ATF7: variants seen among roughly 807,000 people sequenced by gnomAD.
ATF7 encodes cyclic AMP-dependent transcription factor ATF-7.
A neutral mutation model predicts 50.4 loss-of-function variants in ATF7; 10 were observed. The ratio of observed to expected loss-of-function variants is 0.20; its 90% CI spans 0.12 to 0.34. The LOEUF is 0.34. Ranked by LOEUF, ATF7 falls within the 10% of genes least tolerant of loss-of-function variation. The pLI is 1.00. For missense variants in ATF7, 465 were observed against 613.9 expected, an observed-to-expected ratio of 0.76 and a Z score of 2.56; for synonymous variants, 201 against 226.4, an observed-to-expected ratio of 0.89 and a Z score of 1.01.
At chr12:53,596,793 T>C (rs1290120103) in intron 2 of ATF7, among the ~76,000 whole-genome samples, 1 of 152,226 alleles carries the variant, frequency 6.6e-6, no homozygotes. Context: ...TTCCTATTAA[T>C]AGATTCAGTA....
intron 2 of ATF7, among the ~76,000 whole-genome samples, chr12:53,563,394 T>C (rs958549897): frequency 2.0e-5 from 3 of 151,976 alleles, no homozygotes; most frequent in African/African-American, 4.8e-5. Flanking sequence ...GGCGGGAGAA[T>C]TGCTTGACCC....
At chr12:53,583,734 A>G (rs1240703805) in intron 2 of ATF7, among the ~76,000 whole-genome samples, 1 of 152,198 alleles carries the variant, frequency 6.6e-6, no homozygotes, top group Non-Finnish European at 1.5e-5. Flanking sequence ...CTGCTCTGTG[A>G]AAGACAATGT....
At chr12:53,565,983 G>C (rs2137591449) in intron 2 of ATF7, among the ~76,000 whole-genome samples, 1 of 152,292 alleles carries the variant, frequency 6.6e-6, no homozygotes, top group East Asian at 1.9e-4. Context: ...GAGAAGCAGA[G>C]TCACATCTTA....
chr12:53,618,015 G>A (rs1010572893), intron 1 of ATF7, among the ~76,000 whole-genome samples: 3 of 152,094 alleles, frequency 2.0e-5, no homozygotes, highest in Non-Finnish European at 2.9e-5. Flanking sequence ...GGGAAATGTC[G>A]AAGAGAAAAT....
At chr12:53,574,084 T>A (rs1941922854) in intron 2 of ATF7, among the ~76,000 whole-genome samples, 1 of 152,018 alleles carries the variant, frequency 6.6e-6, no homozygotes, top group South Asian at 2.1e-4. Context: ...AAGGCAAAAA[T>A]ACACTCTGAA....
intron 3 of ATF7, among the ~76,000 whole-genome samples, chr12:53,550,863 T>G (rs1303293479): frequency 2.6e-5 from 4 of 152,198 alleles, no homozygotes; most frequent in Non-Finnish European, 4.4e-5. Context: ...AGAACATGTT[T>G]TCTCCTTGAG....
At chr12:53,556,653 T>C (rs923723358) in intron 2 of ATF7, among the ~76,000 whole-genome samples, 4 of 152,192 alleles carry the variant, frequency 2.6e-5, no homozygotes, top group African/African-American at 9.6e-5. Flanking sequence ...TTTTACATAG[T>C]CCTTATATTT....
chr12:53,588,715 GA>G (rs1024683984), intron 2 of ATF7, among the ~76,000 whole-genome samples: 6 of 152,168 alleles, frequency 3.9e-5, no homozygotes, highest in South Asian at 2.1e-4. Flanking sequence ...CTGAAGCCTT[GA>G]TTTTAGGTCC....
chr12:53,596,542 G>C (rs2137800452), intron 2 of ATF7, among the ~76,000 whole-genome samples: 1 of 152,274 alleles, frequency 6.6e-6, no homozygotes, highest in East Asian at 1.9e-4. Context: ...CTGCAAACCT[G>C]TGTCATGTGC....
rs1313980609 is a variant in ATF7 at position 53,600,950 on chromosome 12, T to C, written c.48+3A>G. On this transcript the variant is annotated splice_donor_region_variant and intron_variant, in intron 2 of 11. Transcript: ENST00000420353. ...TTCACAATAAAGTATATTGTAAACG[T>C]ACCTGTCCACAGCCCGGGGCATTGC... 3 of 1,613,032 alleles carry C rather than the reference T, an allele frequency of 1.9e-6. No homozygotes were observed. The highest frequency in any genetic ancestry group is 3.3e-5 in the Admixed American group (2 of 59,902).
Position 53,587,843 on chromosome 12 carries a change from A to ATATATATATATATATATATATATT in ATF7, c.48+13109_48+13110insAATATATATATATATATATATATA. The stretch of plus-strand genomic sequence containing the variant: ...TACATATATATATATATATATATAT[A>ATATATATATATATATATATATATT]TTTTTTTTTTTTTTTCTTTTTGACA... On this transcript the variant is annotated intron_variant, in intron 2 of 11. Coordinates refer to ENST00000420353, the MANE Select transcript of ATF7 (RefSeq NM_006856.3). 2.7e-3 allele frequency among the ~76,000 whole-genome samples: 166 copies of ATATATATATATATATATATATATT among 61,470 alleles called. 2 individuals carry two copies. The highest frequency in any genetic ancestry group is 4.6e-3 in the Non-Finnish European group (134 of 29,426). 40.3% of individuals were successfully genotyped at this position (61,470 alleles called of 152,430 possible).
chr12:53,549,586 G>C (rs1404704851), intron 3 of ATF7, among the ~76,000 whole-genome samples: 1 of 151,740 alleles, frequency 6.6e-6, no homozygotes, highest in Admixed American at 6.6e-5. Context: ...TATTTTTTTT[G>C]TTTGTTTTTT....
At chr12:53,622,749 G>A (rs1380797729) in intron 1 of ATF7, among the ~76,000 whole-genome samples, 1 of 152,060 alleles carries the variant, frequency 6.6e-6, no homozygotes, top group East Asian at 1.9e-4. Context: ...AAGGTGGGGA[G>A]ATGGCTTGAG....
intron 1 of ATF7, among the ~76,000 whole-genome samples, chr12:53,612,478 T>G (rs1011960808): frequency 2.0e-5 from 3 of 152,200 alleles, no homozygotes; most frequent in African/African-American, 7.2e-5. Context: ...TTCACCACAT[T>G]GGCCAGAATG....
chr12:53,568,405 C>G (rs1373157425), intron 2 of ATF7, among the ~76,000 whole-genome samples: 2 of 152,150 alleles, frequency 1.3e-5, no homozygotes, highest in Non-Finnish European at 2.9e-5. Flanking sequence ...CACACACTCT[C>G]TCTCTCTCTT....
intron 1 of ATF7, among the ~76,000 whole-genome samples, chr12:53,609,075 T>C (rs1307219584): frequency 1.3e-5 from 2 of 151,942 alleles, no homozygotes; most frequent in African/African-American, 4.8e-5. Flanking sequence ...GAGGCTGAGG[T>C]CAGAGGACAG....
chr12:53,565,108 T>C (rs188836521), intron 2 of ATF7, among the ~76,000 whole-genome samples: 20 of 152,228 alleles, frequency 1.3e-4, no homozygotes, highest in African/African-American at 4.3e-4. Context: ...TGTTCCTTCC[T>C]CCTGACAAAT....
chr12:53,599,049 TG>T (rs1283434064), intron 2 of ATF7, among the ~76,000 whole-genome samples: 2 of 152,186 alleles, frequency 1.3e-5, no homozygotes, highest in Non-Finnish European at 2.9e-5. Flanking sequence ...TTATTTATTT[TG>T]AGACAGTGTC....
intron 2 of ATF7, among the ~76,000 whole-genome samples, chr12:53,564,536 A>G (rs1319236686): frequency 6.6e-6 from 1 of 152,200 alleles, no homozygotes; most frequent in Non-Finnish European, 1.5e-5. Context: ...TTTGAATTTT[A>G]CAGGCAGAAT....
Sources: allele counts gnomAD v4.1 joint callset (sites outside exome capture counted in the v4.1 genomes callset), GRCh38; gene constraint gnomAD v4.1.1; transcripts MANE v1.5; gene names NCBI Gene and HGNC (gene_info 2026-07-23, HGNC 2026-07-21).